Variants in SLC24A3 observed in about 807,000 individuals in gnomAD.
The protein encoded by SLC24A3 is sodium/potassium/calcium exchanger 3.
In SLC24A3, 28 loss-of-function variants were observed where a neutral mutation model predicts 75.8. The observed-to-expected ratio is 0.37, with a 90% CI of 0.27 to 0.51. The LOEUF (loss-of-function observed/expected upper bound fraction) is 0.51, where lower values mean the gene tolerates loss of function less well. SLC24A3 is among the 20% of genes least tolerant of loss of function. The pLI is 0.94. For synonymous variants in SLC24A3, 372 were observed against 334.1 expected, an observed-to-expected ratio of 1.11 and a Z score of -1.24; for missense variants, 663 against 847.8, an observed-to-expected ratio of 0.78 and a Z score of 2.71.
rs1981437461 is a variant in SLC24A3, at chr20:19,212,780, G to A, written c.-63G>A. The A allele has an allele frequency of 1.8e-5, 18 of 977,410 alleles. No individual in the cohort carries two copies. The South Asian group carries it at 1.9e-4, about 10-fold the overall frequency. 60.5% of individuals were successfully genotyped at this position (977,410 alleles called of 1,614,324 possible). On this transcript the variant is annotated 5_prime_UTR_variant, in exon 1 of 17. Transcript: ENST00000328041. ...AGGGCTGCCTCCTGCCGCTGTCCCC[G>A]CCGCGGCCGCCCGCGACAGGAGCGG...
At position 19,565,694 on chromosome 20, in the gene SLC24A3, G is replaced by A. The variant is rs562502146; in HGVS notation, c.349-14306G>A. On this transcript the variant is annotated intron_variant, in intron 3 of 16. Coordinates refer to ENST00000328041, the MANE Select transcript of SLC24A3 (RefSeq NM_020689.4). ...TTGTATTGATTCCTATCACCTGAGA[G>A]CCAATTTCCCTCTCACACTAAATGG... Among the ~76,000 whole-genome samples, 27 of 152,186 alleles carry A rather than the reference G, an allele frequency of 1.8e-4. 1 individual carries two copies. The South Asian group carries it at 5.6e-3, about 32-fold the overall frequency.
chr20:19,405,208 C>T (rs561211837), intron 2 of SLC24A3, among the ~76,000 whole-genome samples: 28 of 152,208 alleles, frequency 1.8e-4, no homozygotes, highest in African/African-American at 5.8e-4. Context: ...CCAGAGGGCC[C>T]GGGCCCACTC....
intron 6 of SLC24A3, among the ~76,000 whole-genome samples, chr20:19,650,408 G>C (rs558638756): frequency 1.6e-4 from 25 of 152,174 alleles, no homozygotes; most frequent in Admixed American, 3.3e-4. Flanking sequence ...AGAGCTTAAA[G>C]ACGCAACCCA....
intron 2 of SLC24A3, among the ~76,000 whole-genome samples, chr20:19,350,863 C>A (rs1383677708): frequency 6.6e-6 from 1 of 152,122 alleles, no homozygotes; most frequent in African/African-American, 2.4e-5. Flanking sequence ...TGGAGAACTC[C>A]AAGAAAGAGT....
intron 3 of SLC24A3, among the ~76,000 whole-genome samples, chr20:19,570,543 C>T (rs2031035983): frequency 6.6e-6 from 1 of 152,102 alleles, no homozygotes. Context: ...GCTAGGGACC[C>T]CCATTTTATC....
chr20:19,232,516 G>T (rs1196583322), intron 1 of SLC24A3, among the ~76,000 whole-genome samples: 1 of 152,088 alleles, frequency 6.6e-6, no homozygotes, highest in African/African-American at 2.4e-5. Flanking sequence ...TTTATTGTTG[G>T]TTATTTAAAA....
rs182489590 is a variant in SLC24A3, at chr20:19,528,528, C to T, written c.348+12964C>T. On this transcript the variant is annotated intron_variant, in intron 3 of 16. Transcript: ENST00000328041. ...AGCACATAGGAAAATCAGGTCTACA[C>T]GTGGCCCTCACTATTGCGACTTTGG... Among the ~76,000 whole-genome samples the T allele has an allele frequency of 2.0e-4, 30 of 152,280 alleles. No homozygotes were observed. The East Asian group carries it at 4.8e-3, about 24-fold the overall frequency.
intron 6 of SLC24A3, among the ~76,000 whole-genome samples, chr20:19,586,726 A>C (rs554289110): frequency 1.3e-5 from 2 of 152,224 alleles, no homozygotes; most frequent in South Asian, 4.2e-4. Flanking sequence ...AGTTGCCTTC[A>C]GGTGACACGC....
At chr20:19,356,666 GTGGGA>G (rs1168986228) in intron 2 of SLC24A3, among the ~76,000 whole-genome samples, 2 of 152,066 alleles carry the variant, frequency 1.3e-5, no homozygotes, top group East Asian at 3.9e-4. Flanking sequence ...GTGTCTCCTG[GTGGGA>G]TGAATTTGTC....
intron 2 of SLC24A3, among the ~76,000 whole-genome samples, chr20:19,286,876 G>A (rs763478834): frequency 9.9e-5 from 15 of 152,202 alleles, no homozygotes; most frequent in Non-Finnish European, 1.5e-4. Context: ...TTGAACCCAA[G>A]AAAGAACTAA....
intron 8 of SLC24A3, among the ~76,000 whole-genome samples, chr20:19,666,146 G>A (rs191770112): frequency 2.0e-5 from 3 of 152,220 alleles, no homozygotes; most frequent in Admixed American, 6.5e-5. Flanking sequence ...ATTATCCTAT[G>A]TCTGGACATC....
chr20:19,431,561 C>T (rs1301910351), intron 2 of SLC24A3, among the ~76,000 whole-genome samples: 1 of 152,008 alleles, frequency 6.6e-6, no homozygotes, highest in South Asian at 2.1e-4. Context: ...GCCAGATAAG[C>T]ACCCAGAGCC....
intron 3 of SLC24A3, among the ~76,000 whole-genome samples, chr20:19,572,694 C>T (rs2031072206): frequency 6.6e-6 from 1 of 152,128 alleles, no homozygotes; most frequent in Non-Finnish European, 1.5e-5. Context: ...TCCCTGCAAA[C>T]CCCCACCCCA....
At chr20:19,713,652 G>A (rs1438628492) in intron 15 of SLC24A3, among the ~76,000 whole-genome samples, 1 of 152,146 alleles carries the variant, frequency 6.6e-6, no homozygotes, top group Non-Finnish European at 1.5e-5. Context: ...GTAAGCTATT[G>A]TTCAGTGATA....
chr20:19,490,523 G>T (rs946939915), intron 2 of SLC24A3, among the ~76,000 whole-genome samples: 4 of 152,076 alleles, frequency 2.6e-5, no homozygotes, highest in African/African-American at 9.7e-5. Context: ...TAGGTGCAGT[G>T]GTATTTGAAC....
rs370081977 is a variant in SLC24A3 at position 19,621,757 on chromosome 20, A to C, written c.613-32305A>C. Among the ~76,000 whole-genome samples the C allele has an allele frequency of 5.9e-5, 9 of 152,312 alleles. 2 individuals are homozygous for C. On this transcript the variant is annotated intron_variant, in intron 6 of 16. Transcript: ENST00000328041. ...GCTGCTGTACCCAGAACCACATGAA[A>C]GAACAACCTGTTGGACGTATCCAGT...
chr20:19,553,578 G>A (rs2030736689), intron 3 of SLC24A3, among the ~76,000 whole-genome samples: 3 of 152,212 alleles, frequency 2.0e-5, no homozygotes, highest in Admixed American at 2.0e-4. Context: ...ACCCAGCATG[G>A]TACTCAGTAA....
In SLC24A3 at chr20:19,544,128, A is replaced by G. The variant is rs141656491; in HGVS notation, c.348+28564A>G. Among the ~76,000 whole-genome samples the G allele has an allele frequency of 3.4e-3, 513 of 152,272 alleles. 2 individuals carry two copies. The highest frequency in any genetic ancestry group is 5.0e-3 in the Admixed American group (77 of 15,294). ...ACTGTCCACTTGATTCATGTATTTT[A>G]CCTCCGAAGGGTTTTTAGACCATTT... On this transcript the variant is annotated intron_variant, in intron 3 of 16. Coordinates refer to ENST00000328041, the MANE Select transcript of SLC24A3 (RefSeq NM_020689.4).
intron 6 of SLC24A3, among the ~76,000 whole-genome samples, chr20:19,590,951 C>G (rs759816184): frequency 1.3e-5 from 2 of 152,194 alleles, no homozygotes; most frequent in Non-Finnish European, 2.9e-5. Context: ...GACAGTCCTG[C>G]TGAGGCCCCA....
Sources: allele counts gnomAD v4.1 joint callset (sites outside exome capture counted in the v4.1 genomes callset), GRCh38; gene constraint gnomAD v4.1.1; transcripts MANE v1.5; gene names NCBI Gene and HGNC (gene_info 2026-07-23, HGNC 2026-07-21).